The following LACTB2 variants were observed in gnomAD, a reference collection of about 807,000 sequenced individuals.
The protein encoded by LACTB2 is endoribonuclease LACTB2.
A neutral mutation model predicts 34.8 loss-of-function variants in LACTB2; 32 were observed. That is an observed-to-expected ratio of 0.92 (90% CI 0.69 to 1.24). The LOEUF (loss-of-function observed/expected upper bound fraction) is 1.24, where lower values mean the gene tolerates loss of function less well. Ranked by LOEUF, LACTB2 falls within the 50% of genes most tolerant of loss-of-function variation. The pLI is 0.00. For synonymous variants in LACTB2, 120 were observed against 117.5 expected, an observed-to-expected ratio of 1.02 and a Z score of -0.14; for missense variants, 320 against 345.0, an observed-to-expected ratio of 0.93 and a Z score of 0.57.
chr8:70,648,332 G>C (rs1014711491), intron 3 of LACTB2, among the ~76,000 whole-genome samples: 2 of 152,132 alleles, frequency 1.3e-5, no homozygotes, highest in African/African-American at 4.8e-5. Flanking sequence ...AACAAAGGGG[G>C]TTATGAAGAA....
rs1474780525 is a variant in LACTB2, at chr8:70,637,884, G to A, written c.843C>T (p.Asp281=). ...EGKIFSNTDP[D]KKWKAHL Reference sequence around the variant, plus strand: ...ACTAAAGATGAGCTTTCCATTTCTTGTCAGGATCTGTGTTGCTAACTGTAA... The same window carrying A: ...ACTAAAGATGAGCTTTCCATTTCTTATCAGGATCTGTGTTGCTAACTGTAA... The change falls in exon 7 of 7, where the codon GAC becomes GAT. Residue 281 remains aspartate, a synonymous_variant. Coordinates refer to ENST00000276590, the MANE Select transcript of LACTB2 (RefSeq NM_016027.3). 2 of 1,553,884 alleles carry A rather than the reference G, an allele frequency of 1.3e-6. No homozygotes were observed. Among genetic ancestry groups the A allele is most frequent in the Non-Finnish European group, 1.7e-6 (2 of 1,149,144 alleles).
intron 1 of LACTB2, among the ~76,000 whole-genome samples, chr8:70,668,197 A>T (rs145150762): frequency 0.01 from 1,590 of 152,228 alleles, 26 homozygotes; most frequent in African/African-American, 0.036. Flanking sequence ...ATTATATTTT[A>T]AAAATAATTT....
At chr8:70,649,073 TTAAA>T (rs1818303962) in intron 3 of LACTB2, among the ~76,000 whole-genome samples, 1 of 152,250 alleles carries the variant, frequency 6.6e-6, no homozygotes, top group African/African-American at 2.4e-5. Flanking sequence ...CATAAATACC[TTAAA>T]TAAAGTTAGA....
chr8:70,656,529 C>T (rs1818413607), intron 3 of LACTB2, among the ~76,000 whole-genome samples: 1 of 152,132 alleles, frequency 6.6e-6, no homozygotes, highest in African/African-American at 2.4e-5. Flanking sequence ...CTGTTCTGTT[C>T]CATTGGTGTA....
At chr8:70,655,836 T>C (rs1306751954) in intron 3 of LACTB2, among the ~76,000 whole-genome samples, 1 of 152,174 alleles carries the variant, frequency 6.6e-6, no homozygotes, top group African/African-American at 2.4e-5. Flanking sequence ...AAGTGTCCCC[T>C]GTTCACCGCA....
intron 1 of LACTB2, among the ~76,000 whole-genome samples, chr8:70,668,198 A>C (rs756077056): frequency 3.3e-5 from 5 of 152,106 alleles, no homozygotes; most frequent in Non-Finnish European, 5.9e-5. Flanking sequence ...TTATATTTTA[A>C]AAATAATTTA....
intron 1 of LACTB2, among the ~76,000 whole-genome samples, chr8:70,666,503 C>T (rs1818534208): frequency 6.6e-6 from 1 of 152,180 alleles, no homozygotes; most frequent in Non-Finnish European, 1.5e-5. Flanking sequence ...ACTAGAAGGC[C>T]AGCATGGCTG....
chr8:70,658,956 G>A (rs1043877419), intron 2 of LACTB2, among the ~76,000 whole-genome samples: 2 of 152,210 alleles, frequency 1.3e-5, no homozygotes, highest in South Asian at 2.1e-4. Flanking sequence ...GAGCCCAGGA[G>A]GCGGAGGTTG....
At chr8:70,647,219 C>G (rs1818273897) in intron 3 of LACTB2, among the ~76,000 whole-genome samples, 2 of 151,492 alleles carry the variant, frequency 1.3e-5, no homozygotes, top group Admixed American at 1.3e-4. Flanking sequence ...TTTTTATGTG[C>G]TTGGAATATA....
rs951552457 is a variant in LACTB2 at position 70,638,776 on chromosome 8, C to T, written c.742-147G>A. 10 of 635,790 alleles carry T rather than the reference C, an allele frequency of 1.6e-5. No individual in the cohort carries two copies. In the African/African-American group the frequency reaches 1.8e-4, roughly 12 times the overall value. 39.4% of individuals were successfully genotyped at this position (635,790 alleles called of 1,614,324 possible). A position where few individuals can be genotyped will look rare whatever the true frequency, so the allele number is the denominator to read the frequency against. On this transcript the variant is annotated intron_variant, in intron 5 of 6. Coordinates refer to ENST00000276590, the MANE Select transcript of LACTB2 (RefSeq NM_016027.3). ...TTTTTTTTTGAGACAGAGTCTCACT[C>T]TGTCGCCAGGCTGGAATGCAGTGGT...
At chr8:70,653,043 TA>T (rs1818363629) in intron 3 of LACTB2, among the ~76,000 whole-genome samples, 1 of 152,240 alleles carries the variant, frequency 6.6e-6, no homozygotes, top group African/African-American at 2.4e-5. Flanking sequence ...TTTGAGCAAG[TA>T]GTAATATAAC....
chr8:70,651,856 G>C (rs1467426185), intron 3 of LACTB2: 5 of 152,210 alleles, frequency 3.3e-5, no homozygotes, highest in African/African-American at 9.7e-5. Flanking sequence ...CTTTGCTAAA[G>C]ATCACAGGAA....
intron 3 of LACTB2, chr8:70,654,936 C>T (rs1416810285): frequency 6.6e-6 from 1 of 152,166 alleles, no homozygotes; most frequent in Non-Finnish European, 1.5e-5. Flanking sequence ...TATCTGGTTA[C>T]ATAAGTCCTT....
intron 2 of LACTB2, chr8:70,660,921 G>C (rs774788520): frequency 6.6e-6 from 3 of 455,434 alleles, no homozygotes; most frequent in South Asian, 4.7e-5. Context: ...GGGACTGCAG[G>C]TGCACGCCAC....
intron 3 of LACTB2, among the ~76,000 whole-genome samples, chr8:70,655,261 C>T (rs1361335158): frequency 6.6e-6 from 1 of 151,512 alleles, no homozygotes; most frequent in African/African-American, 2.4e-5. Context: ...CTCTTGTTGC[C>T]CAGGCTGGAG....
chr8:70,646,119 A>C (rs1818261023), intron 3 of LACTB2: 1 of 152,154 alleles, frequency 6.6e-6, no homozygotes, highest in Non-Finnish European at 1.5e-5. Flanking sequence ...CAACAGTGTA[A>C]AAGTGTTCCT....
intron 1 of LACTB2, among the ~76,000 whole-genome samples, chr8:70,667,479 G>T (rs763042982): frequency 6.6e-6 from 1 of 152,274 alleles, no homozygotes; most frequent in East Asian, 1.9e-4. Flanking sequence ...ACTATATGGA[G>T]AAATAATTTA....
At chr8:70,638,305 T>C (rs930155108) in intron 6 of LACTB2, among the ~76,000 whole-genome samples, 1 of 152,200 alleles carries the variant, frequency 6.6e-6, no homozygotes, top group Non-Finnish European at 1.5e-5. Flanking sequence ...ATGTCTTTGA[T>C]TGCCATTCTG....
At chr8:70,639,879 G>A (rs1049962487) in intron 5 of LACTB2, among the ~76,000 whole-genome samples, 7 of 152,000 alleles carry the variant, frequency 4.6e-5, no homozygotes, top group African/African-American at 7.2e-5. Context: ...GGAGAATCGC[G>A]TGAACCCAGG....
Sources: gnomAD v4.1 joint callset for allele counts (sites outside exome capture counted in the v4.1 genomes callset) on GRCh38, gnomAD v4.1.1 for gene constraint, MANE v1.5 for transcripts, NCBI Gene and HGNC (gene_info 2026-07-23, HGNC 2026-07-21) for gene names.